NELL1: variants seen among roughly 807,000 people sequenced by gnomAD.
NELL1 encodes protein kinase C-binding protein NELL1.
Under a neutral mutation model 107.4 loss-of-function variants are expected in NELL1, and 76 were observed. That is an observed-to-expected ratio of 0.71 (90% CI 0.59 to 0.86). NELL1 has a LOEUF of 0.86. NELL1 is among the 40% of genes least tolerant of loss of function. NELL1 has a pLI of 0.00. For missense variants in NELL1, 1,024 were observed against 1,005.5 expected (o/e 1.02, Z -0.25); for synonymous variants, 353 against 341.2 (o/e 1.03, Z -0.38).
chr11:21,202,336 C>T (rs959835271), intron 13 of NELL1, among the ~76,000 whole-genome samples: 3 of 152,150 alleles, frequency 2.0e-5, no homozygotes, highest in Non-Finnish European at 4.4e-5. Flanking sequence ...GATTAAACTT[C>T]TTCCTGATTT....
At chr11:21,547,411 T>G (rs1405506224) in intron 16 of NELL1, among the ~76,000 whole-genome samples, 1 of 151,844 alleles carries the variant, frequency 6.6e-6, no homozygotes, top group Non-Finnish European at 1.5e-5. Context: ...TGAGGAATAA[T>G]TAGACCACAG....
At chr11:20,844,046 A>G (rs113590621) in intron 3 of NELL1, among the ~76,000 whole-genome samples, 1,992 of 152,326 alleles carry the variant, frequency 0.013, 54 homozygotes, top group African/African-American at 0.045. Context: ...GTGTTAGTTG[A>G]TGGGAAAGTC....
rs149998473 is a variant in NELL1, at chr11:21,167,075, A to G, written c.1426+53361A>G. Among the ~76,000 whole-genome samples the G allele has an allele frequency of 4.7e-4, 72 of 152,038 alleles. 1 individual carries two copies. Among genetic ancestry groups the G allele is most frequent in the Non-Finnish European group, 8.5e-4 (58 of 68,034 alleles). ...AAAACATTGACTCAAGCAACTGAAA[A>G]GTCCAGACATAATATACATACATAA... On this transcript the variant is annotated intron_variant, in intron 13 of 19. Transcript: ENST00000357134.
chr11:20,753,970 A>T (rs1319010549), intron 2 of NELL1, among the ~76,000 whole-genome samples: 3 of 152,194 alleles, frequency 2.0e-5, no homozygotes, highest in Non-Finnish European at 4.4e-5. Flanking sequence ...TTGGTTTGTC[A>T]TGGGGCATAT....
chr11:21,243,191 A>G (rs1430761001), intron 14 of NELL1, among the ~76,000 whole-genome samples: 1 of 152,188 alleles, frequency 6.6e-6, no homozygotes, highest in Non-Finnish European at 1.5e-5. Flanking sequence ...TTAACAGTTT[A>G]TAATTTATTT....
intron 13 of NELL1, among the ~76,000 whole-genome samples, chr11:21,196,853 T>A (rs1429901307): frequency 2.0e-5 from 3 of 151,744 alleles, no homozygotes; most frequent in Non-Finnish European, 4.4e-5. Context: ...ACCCATGGTG[T>A]TATTTAATTC....
chr11:21,108,196 A>G (rs1163107489), intron 12 of NELL1, among the ~76,000 whole-genome samples: 2 of 152,136 alleles, frequency 1.3e-5, no homozygotes, highest in Non-Finnish European at 2.9e-5. Flanking sequence ...TTTATGGAAG[A>G]AGTCTGAGTA....
At chr11:21,132,470 G>T (rs561823189) in intron 13 of NELL1, among the ~76,000 whole-genome samples, 21 of 152,206 alleles carry the variant, frequency 1.4e-4, no homozygotes, top group Non-Finnish European at 3.1e-4. Flanking sequence ...TGAGGGATGT[G>T]TGAGCAAGTG....
At chr11:21,430,008 T>C (rs1852927212) in intron 15 of NELL1, among the ~76,000 whole-genome samples, 1 of 152,190 alleles carries the variant, frequency 6.6e-6, no homozygotes, top group Non-Finnish European at 1.5e-5. Context: ...TATACGGAAC[T>C]TGAAACATCT....
intron 14 of NELL1, among the ~76,000 whole-genome samples, chr11:21,309,279 TGTATATA>T (rs796754896): frequency 0.056 from 930 of 16,560 alleles, 11 homozygotes; most frequent in Middle Eastern, 0.15. Flanking sequence ...TATATATATA[TGTATATA>T]TATATATATA....
chr11:21,274,348 A>G lies in NELL1; in HGVS notation c.1549+44894A>G, dbSNP rs748131017. ...AGGATCAATTCAACAAGAAGAGCTAACTATCCTAAATATATATGCACCCAA... is the reference window on the plus strand; with the variant it reads ...AGGATCAATTCAACAAGAAGAGCTAGCTATCCTAAATATATATGCACCCAA... On this transcript the variant is annotated intron_variant, in intron 14 of 19. Coordinates refer to ENST00000357134, the MANE Select transcript of NELL1 (RefSeq NM_006157.5). Among the ~76,000 whole-genome samples, 73 of 152,344 alleles carry G rather than the reference A, an allele frequency of 4.8e-4. 1 individual carries two copies. Among genetic ancestry groups the G allele is most frequent in the Admixed American group, 9.8e-4 (15 of 15,310 alleles).
intron 2 of NELL1, among the ~76,000 whole-genome samples, chr11:20,751,296 C>G (rs1042698321): frequency 6.6e-6 from 1 of 151,874 alleles, no homozygotes; most frequent in Admixed American, 6.6e-5. Flanking sequence ...TGCATTAAAT[C>G]TATGCATCAA....
chr11:21,278,289 C>A, intron 14 of NELL1, among the ~76,000 whole-genome samples: 1 of 151,882 alleles, frequency 6.6e-6, no homozygotes, highest in Middle Eastern at 3.4e-3. Flanking sequence ...TAAATCATAG[C>A]TAATGTATTA....
intron 15 of NELL1, among the ~76,000 whole-genome samples, chr11:21,451,114 C>A (rs932706610): frequency 7.1e-6 from 1 of 140,740 alleles, no homozygotes; most frequent in African/African-American, 2.6e-5. Flanking sequence ...GTGAACCCGG[C>A]AGGCTGAGCT....
At chr11:20,817,273 CT>C (rs1254228349) in intron 3 of NELL1, among the ~76,000 whole-genome samples, 2 of 151,508 alleles carry the variant, frequency 1.3e-5, no homozygotes, top group African/African-American at 2.4e-5. Context: ...TGGTCTAGGG[CT>C]TTTTTTTGCT....
At chr11:21,547,151 G>A (rs1856463043) in intron 16 of NELL1, among the ~76,000 whole-genome samples, 1 of 151,938 alleles carries the variant, frequency 6.6e-6, no homozygotes, top group African/African-American at 2.4e-5. Context: ...TTCTCATGGA[G>A]TGGGGATATT....
At chr11:21,274,095 G>T (rs1487775482) in intron 14 of NELL1, among the ~76,000 whole-genome samples, 4 of 152,156 alleles carry the variant, frequency 2.6e-5, no homozygotes, top group Non-Finnish European at 4.4e-5. Context: ...CCAATTAAAA[G>T]ACTCAGACTG....
chr11:20,715,881 G>A (rs1855239120), intron 2 of NELL1, among the ~76,000 whole-genome samples: 1 of 152,120 alleles, frequency 6.6e-6, no homozygotes, highest in African/African-American at 2.4e-5. Flanking sequence ...TTTGACATGG[G>A]CTTTCTTGAG....
intron 16 of NELL1, among the ~76,000 whole-genome samples, chr11:21,550,578 C>A (rs1046668121): frequency 6.6e-6 from 1 of 151,986 alleles, no homozygotes; most frequent in Non-Finnish European, 1.5e-5. Flanking sequence ...GTTTTCCCAG[C>A]ACCATTTATT....
Sources: gnomAD v4.1 joint callset for allele counts (sites outside exome capture counted in the v4.1 genomes callset) on GRCh38, gnomAD v4.1.1 for gene constraint, MANE v1.5 for transcripts, NCBI Gene and HGNC (gene_info 2026-07-23, HGNC 2026-07-21) for gene names.